Variants in PDE11A observed in about 807,000 individuals in gnomAD.
PDE11A encodes dual 3',5'-cyclic-AMP and -GMP phosphodiesterase 11A.
PDE11A carries 100 observed loss-of-function variants against 100.5 expected under a neutral mutation model. The observed-to-expected ratio is 1.00, with a 90% CI of 0.85 to 1.18. The LOEUF (loss-of-function observed/expected upper bound fraction) is 1.18, where lower values mean the gene tolerates loss of function less well. PDE11A is among the 50% of genes most tolerant of loss of function. The pLI, the probability that PDE11A is intolerant of heterozygous loss-of-function variation, is 0.00. For missense variants in PDE11A, 1,141 were observed against 1,152.6 expected (o/e 0.99, Z 0.15); for synonymous variants, 381 against 420.8 (o/e 0.91, Z 1.16).
At chr2:178,039,514 AC>A (rs1381339084) in intron 1 of PDE11A, among the ~76,000 whole-genome samples, 1 of 152,096 alleles carries the variant, frequency 6.6e-6, no homozygotes, top group East Asian at 1.9e-4. Flanking sequence ...CTTTACATGT[AC>A]CCCCAAACCT....
intron 2 of PDE11A, among the ~76,000 whole-genome samples, chr2:177,947,421 A>G (rs1559019674): frequency 6.6e-6 from 1 of 152,204 alleles, no homozygotes; most frequent in Non-Finnish European, 1.5e-5. Flanking sequence ...GTTCTGCACT[A>G]GGAAAAATTC....
intron 18 of PDE11A, among the ~76,000 whole-genome samples, chr2:177,664,278 A>C (rs1051290651): frequency 2.0e-5 from 3 of 152,190 alleles, no homozygotes; most frequent in Non-Finnish European, 4.4e-5. Flanking sequence ...GGGGAAAGGA[A>C]TATGTTTTAC....
At chr2:177,935,543 C>G (rs368580072) in intron 2 of PDE11A, among the ~76,000 whole-genome samples, 1 of 152,188 alleles carries the variant, frequency 6.6e-6, no homozygotes, top group African/African-American at 2.4e-5. Context: ...CAACAAATCA[C>G]AGGCAGTACC....
At chr2:178,031,830 T>C (rs2086551813) in intron 1 of PDE11A, among the ~76,000 whole-genome samples, 3 of 152,032 alleles carry the variant, frequency 2.0e-5, no homozygotes, top group African/African-American at 7.2e-5. Context: ...ATTACAAAAC[T>C]GACATGAAAG....
chr2:178,040,465 A>AT (rs1559051256), intron 1 of PDE11A, among the ~76,000 whole-genome samples: 1 of 152,086 alleles, frequency 6.6e-6, no homozygotes. Flanking sequence ...GCATTTCACA[A>AT]TTTTTTAAAG....
rs192376638 is a variant in PDE11A, at chr2:177,879,132, T to A, written c.1303-3209A>T. 2.0e-5 allele frequency among the ~76,000 whole-genome samples: 3 copies of A among 152,336 alleles called. No homozygotes were observed. In the East Asian group the frequency reaches 5.8e-4, roughly 29 times the overall value. The stretch of plus-strand genomic sequence containing the variant: ...TAATTTACAGCGTGGTAAGAGTAGA[T>A]GTTAATTTCTGCAAATCTGATAGCA... On this transcript the variant is annotated intron_variant, in intron 4 of 19. Transcript: ENST00000286063.
chr2:177,991,745 G>C (rs1219341171), intron 2 of PDE11A, among the ~76,000 whole-genome samples: 4 of 150,748 alleles, frequency 2.7e-5, no homozygotes, highest in Middle Eastern at 3.2e-3. Context: ...TTTCATGGCT[G>C]GTCAGGATAG....
chr2:177,737,470 G>A (rs1412809984), intron 10 of PDE11A, among the ~76,000 whole-genome samples: 1 of 112,246 alleles, frequency 8.9e-6, no homozygotes, highest in Non-Finnish European at 2.1e-5. Context: ...GCGTGGTGGT[G>A]GGTGCCTGTA....
chr2:177,820,401 G>A (rs1558955092), intron 6 of PDE11A, 106 bp from the exon 7 acceptor site: 4 of 731,970 alleles, frequency 5.5e-6, no homozygotes, highest in Non-Finnish European at 9.7e-6. Context: ...ACTTTTTAAA[G>A]CTATTTTATA....
At chr2:177,960,425 G>C (rs1426740785) in intron 2 of PDE11A, among the ~76,000 whole-genome samples, 1 of 151,966 alleles carries the variant, frequency 6.6e-6, no homozygotes, top group Non-Finnish European at 1.5e-5. Flanking sequence ...CATTATTTAT[G>C]AGTATTTTTT....
intron 2 of PDE11A, among the ~76,000 whole-genome samples, chr2:177,937,392 A>T (rs2085288861): frequency 7.0e-6 from 1 of 141,936 alleles, no homozygotes; most frequent in Non-Finnish European, 1.5e-5. Flanking sequence ...ATCTCGGCTC[A>T]CTACAACCCC....
chr2:177,707,687 T>C (rs1044069406), intron 13 of PDE11A, among the ~76,000 whole-genome samples: 2 of 152,178 alleles, frequency 1.3e-5, no homozygotes, highest in Non-Finnish European at 2.9e-5. Flanking sequence ...ACTGTCTTAA[T>C]ATCACGGTAA....
chr2:178,088,314 T>C (rs1057147005), intron 2 of PDE11A, among the ~76,000 whole-genome samples: 1 of 152,222 alleles, frequency 6.6e-6, no homozygotes, highest in African/African-American at 2.4e-5. Flanking sequence ...AAGCAAAACA[T>C]AAATGCTCAA....
intron 2 of PDE11A, among the ~76,000 whole-genome samples, chr2:177,956,487 T>C (rs1396681747): frequency 6.6e-6 from 1 of 152,244 alleles, no homozygotes; most frequent in African/African-American, 2.4e-5. Context: ...TCAACCATTG[T>C]GGAAGTCAGT....
intron 5 of PDE11A, among the ~76,000 whole-genome samples, chr2:177,862,455 C>A (rs2083959867): frequency 6.6e-6 from 1 of 151,660 alleles, no homozygotes. Flanking sequence ...AAGATTCCAC[C>A]AAAAAACTGT....
rs1236895174 is a variant in PDE11A at position 177,973,343 on chromosome 2, C to T, written c.1071+40959G>A. Among the ~76,000 whole-genome samples the T allele has an allele frequency of 1.1e-4, 9 of 83,742 alleles. No individual in the cohort carries two copies. In the East Asian group the frequency reaches 2.6e-3, roughly 25 times the overall value. 54.9% of individuals were successfully genotyped at this position (83,742 alleles called of 152,430 possible). ...GGGGTGACGGACGCACCTGGAAAAT[C>T]GGGTCACTCCCACCCGAATATTGCG... On this transcript the variant is annotated intron_variant, in intron 2 of 19. Coordinates refer to ENST00000286063, the MANE Select transcript of PDE11A (RefSeq NM_016953.4).
chr2:177,846,661 C>A (rs539434044), intron 5 of PDE11A, among the ~76,000 whole-genome samples: 7 of 152,198 alleles, frequency 4.6e-5, no homozygotes, highest in Non-Finnish European at 7.3e-5. Context: ...GCCTTGCACA[C>A]GGATGCCCTA....
chr2:177,712,997 T>C (rs1026702515), intron 12 of PDE11A, among the ~76,000 whole-genome samples: 3 of 151,490 alleles, frequency 2.0e-5, no homozygotes, highest in African/African-American at 7.3e-5. Flanking sequence ...GAATAACAGG[T>C]TTCTGTGTTG....
At chr2:177,768,028 G>A (rs1331425428) in intron 10 of PDE11A, among the ~76,000 whole-genome samples, 1 of 152,052 alleles carries the variant, frequency 6.6e-6, no homozygotes, top group East Asian at 1.9e-4. Flanking sequence ...TTTTATCTGG[G>A]TTACAATTGC....
Sources: allele counts gnomAD v4.1 joint callset (sites outside exome capture counted in the v4.1 genomes callset), GRCh38; gene constraint gnomAD v4.1.1; transcripts MANE v1.5; gene names NCBI Gene and HGNC (gene_info 2026-07-23, HGNC 2026-07-21).